RBFOX1: variants seen among roughly 807,000 people sequenced by gnomAD.
RBFOX1 encodes RNA binding protein fox-1 homolog 1.
A neutral mutation model predicts 57.7 loss-of-function variants in RBFOX1; 8 were observed. The observed-to-expected ratio is 0.14, with a 90% CI of 0.08 to 0.25. The LOEUF (loss-of-function observed/expected upper bound fraction) is 0.25. RBFOX1 is among the 10% of genes least tolerant of loss of function. The pLI is 1.00. For missense variants in RBFOX1, 611 were observed against 548.5 expected, an observed-to-expected ratio of 1.11 and a Z score of -1.14; for synonymous variants, 326 against 222.4, an observed-to-expected ratio of 1.47 and a Z score of -4.15.
At chr16:6,339,412 G>A (rs1025978613) in intron 2 of RBFOX1, among the ~76,000 whole-genome samples, 3 of 152,226 alleles carry the variant, frequency 2.0e-5, no homozygotes, top group Non-Finnish European at 4.4e-5. Context: ...GCTGCTGAAC[G>A]AGGAGCAGCA....
At chr16:5,597,162 C>G (rs2047208851) in intron 2 of RBFOX1, among the ~76,000 whole-genome samples, 1 of 152,044 alleles carries the variant, frequency 6.6e-6, no homozygotes, top group South Asian at 2.1e-4. Flanking sequence ...CTGTCCCCCT[C>G]TGTTTCTCTC....
rs1596666816 is a variant in RBFOX1 at position 5,363,186 on chromosome 16, A to T, written c.220-104030A>T. 5.3e-5 allele frequency among the ~76,000 whole-genome samples: 8 copies of T among 150,820 alleles called. No individual in the cohort carries two copies. The South Asian group carries it at 1.7e-3, about 32-fold the overall frequency. ...GTAGCTGGGACTACAGGCATGTGCC[A>T]CAGCCCCTGGCTATTTTTTTTTTTT... On this transcript the variant is annotated intron_variant, in intron 1 of 2. Coordinates refer to the RBFOX1 transcript ENST00000585867.
intron 1 of RBFOX1, among the ~76,000 whole-genome samples, chr16:6,043,753 C>T (rs1168560689): frequency 6.6e-6 from 1 of 152,134 alleles, no homozygotes; most frequent in African/African-American, 2.4e-5. Flanking sequence ...AGGGGCTCTT[C>T]TGCCCTTTGA....
intron 5 of RBFOX1, among the ~76,000 whole-genome samples, chr16:7,528,929 G>A (rs2058296): frequency 0.15 from 23,547 of 152,098 alleles, 2,340 homozygotes; most frequent in East Asian, 0.34. Context: ...CTATCTTCTC[G>A]TTGCACATAT....
intron 4 of RBFOX1, among the ~76,000 whole-genome samples, chr16:5,992,941 G>C (rs2060426246): frequency 6.6e-6 from 1 of 151,870 alleles, no homozygotes; most frequent in South Asian, 2.1e-4. Context: ...TGTCTCAAAA[G>C]AAAGAAAAAA....
intron 4 of RBFOX1, among the ~76,000 whole-genome samples, chr16:7,497,162 T>A (rs1427457438): frequency 6.6e-6 from 1 of 152,200 alleles, no homozygotes; most frequent in Non-Finnish European, 1.5e-5. Flanking sequence ...ACTTAAAGGA[T>A]CAAATACAAA....
chr16:6,790,476 G>T (rs531976828), intron 3 of RBFOX1, among the ~76,000 whole-genome samples: 13 of 152,066 alleles, frequency 8.5e-5, no homozygotes, highest in Admixed American at 5.2e-4. Flanking sequence ...TGAGGCACTG[G>T]GCATGGCGCC....
At chr16:6,816,865 C>G (rs563882007) in intron 3 of RBFOX1, among the ~76,000 whole-genome samples, 2 of 152,238 alleles carry the variant, frequency 1.3e-5, no homozygotes, top group Middle Eastern at 3.4e-3. Context: ...CCACTTCACC[C>G]TCCCAAGTAG....
chr16:6,712,215 C>T (rs771156470), intron 3 of RBFOX1, among the ~76,000 whole-genome samples: 1 of 152,182 alleles, frequency 6.6e-6, no homozygotes, highest in Non-Finnish European at 1.5e-5. Context: ...CAGCTATGGT[C>T]AGCAAGGTTA....
intron 1 of RBFOX1, among the ~76,000 whole-genome samples, chr16:6,163,303 C>T (rs1287575638): frequency 6.6e-6 from 1 of 152,124 alleles, no homozygotes; most frequent in Admixed American, 6.6e-5. Context: ...AGTGTCAAGG[C>T]ACTTATTTTT....
chr16:7,692,150 T>G (rs2077488402), intron 14 of RBFOX1, among the ~76,000 whole-genome samples: 1 of 152,174 alleles, frequency 6.6e-6, no homozygotes, highest in Non-Finnish European at 1.5e-5. Context: ...AAATCTTATG[T>G]TAACTTTTAT....
intron 7 of RBFOX1, among the ~76,000 whole-genome samples, chr16:7,594,166 C>T (rs188865771): frequency 1.7e-3 from 260 of 151,942 alleles, no homozygotes; most frequent in African/African-American, 5.9e-3. Context: ...TGATGTTCCC[C>T]GCCCTGTGGT....
intron 4 of RBFOX1, among the ~76,000 whole-genome samples, chr16:7,211,971 C>G (rs1253013002): frequency 4.6e-5 from 7 of 152,290 alleles, no homozygotes; most frequent in South Asian, 2.1e-4. Flanking sequence ...CCTACCCACC[C>G]CTTCTCACTC....
At chr16:6,589,324 T>G (rs1273728362) in intron 2 of RBFOX1, among the ~76,000 whole-genome samples, 7 of 152,250 alleles carry the variant, frequency 4.6e-5, no homozygotes, top group African/African-American at 1.7e-4. Context: ...GAGCCAGCTG[T>G]ATGGGAGACC....
At chr16:6,798,086 T>C (rs1274627591) in intron 3 of RBFOX1, among the ~76,000 whole-genome samples, 1 of 152,072 alleles carries the variant, frequency 6.6e-6, no homozygotes, top group African/African-American at 2.4e-5. Context: ...ACTATAAATA[T>C]ATGCCACACC....
intron 11 of RBFOX1, among the ~76,000 whole-genome samples, chr16:7,650,462 A>C (rs1209511011): frequency 6.6e-6 from 1 of 151,952 alleles, no homozygotes; most frequent in East Asian, 1.9e-4. Flanking sequence ...AGAACCTCCT[A>C]GGAAGCCTTG....
chr16:6,727,643 C>T (rs534392254), intron 3 of RBFOX1, among the ~76,000 whole-genome samples: 13 of 152,114 alleles, frequency 8.5e-5, no homozygotes, highest in Non-Finnish European at 1.6e-4. Flanking sequence ...GGTCTTCTAC[C>T]CCCTCCTTCC....
intron 4 of RBFOX1, among the ~76,000 whole-genome samples, chr16:7,202,474 G>A (rs1041803055): frequency 1.3e-5 from 2 of 152,100 alleles, no homozygotes; most frequent in African/African-American, 4.8e-5. Context: ...TTCTTATTCT[G>A]GATATATATT....
At chr16:7,217,938 A>ATG (rs757044965) in intron 4 of RBFOX1, among the ~76,000 whole-genome samples, 25 of 149,802 alleles carry the variant, frequency 1.7e-4, no homozygotes, top group Middle Eastern at 7.0e-3. Flanking sequence ...GTGTGCGTGC[A>ATG]TGTGTGTGTG....
Sources: gnomAD v4.1 joint callset for allele counts (sites outside exome capture counted in the v4.1 genomes callset) on GRCh38, gnomAD v4.1.1 for gene constraint, MANE v1.5 for transcripts, NCBI Gene and HGNC (gene_info 2026-07-23, HGNC 2026-07-21) for gene names.